ANO3: variants seen among roughly 807,000 people sequenced by gnomAD.
The protein encoded by ANO3 is anoctamin-3.
In ANO3, 99 loss-of-function variants were observed where a neutral mutation model predicts 144.8. The observed-to-expected ratio is 0.68, with a 90% confidence interval of 0.58 to 0.81. The LOEUF (loss-of-function observed/expected upper bound fraction) is 0.81, where lower values mean the gene tolerates loss of function less well. ANO3 is among the 30% of genes least tolerant of loss of function. The pLI, the probability that ANO3 is intolerant of heterozygous loss-of-function variation, is 0.00. For synonymous variants in ANO3, 414 were observed against 392.6 expected (o/e 1.05, Z -0.64); for missense variants, 905 against 1,202.2 (o/e 0.75, Z 3.66).
chr11:26,509,138 T>A (rs550699118), intron 5 of ANO3, among the ~76,000 whole-genome samples: 1 of 151,648 alleles, frequency 6.6e-6, no homozygotes, highest in South Asian at 2.1e-4. Context: ...TGCTGTTCAC[T>A]CTTGTCATTT....
At chr11:26,240,304 A>T (rs1281824288) in intron 1 of ANO3, among the ~76,000 whole-genome samples, 2 of 152,220 alleles carry the variant, frequency 1.3e-5, no homozygotes, top group African/African-American at 2.4e-5. Flanking sequence ...TAATCTCTAC[A>T]TAACCAGAAG....
At chr11:26,282,811 T>C (rs1035610024) in intron 1 of ANO3, among the ~76,000 whole-genome samples, 3 of 152,124 alleles carry the variant, frequency 2.0e-5, no homozygotes, top group African/African-American at 7.2e-5. Context: ...AAAGTATAAA[T>C]AGAAAATTAG....
At chr11:26,626,661 T>A (rs1365566933) in intron 18 of ANO3, among the ~76,000 whole-genome samples, 1 of 152,214 alleles carries the variant, frequency 6.6e-6, no homozygotes, top group Non-Finnish European at 1.5e-5. Flanking sequence ...GCTGCCATAA[T>A]CTGAAAACTC....
chr11:26,599,484 C>T lies in ANO3; in HGVS notation c.1672-66C>T, dbSNP rs921220475. On this transcript the variant is annotated intron_variant, in intron 16 of 26. Coordinates refer to ENST00000256737, the MANE Select transcript of ANO3 (RefSeq NM_031418.4). ...TCTTGGGGACAGTAGATTTGATCTA[C>T]GGTTTTGCTTTTGACTTGTTAATGA... is the stretch of plus-strand genomic sequence containing the variant. 116 of 1,491,582 alleles carry T rather than the reference C, an allele frequency of 7.8e-5. 1 individual carries two copies. Among genetic ancestry groups the T allele is most frequent in the Middle Eastern group, 7.0e-4 (4 of 5,690 alleles). The allele number at this position is 1,491,582 out of a possible 1,614,324, so 92.4% of individuals were successfully genotyped here. A position where few individuals can be genotyped will look rare whatever the true frequency, so the allele number is the denominator to read the frequency against.
chr11:26,447,206 CAAAAA>C (rs11464160), intron 3 of ANO3, among the ~76,000 whole-genome samples: 19 of 49,852 alleles, frequency 3.8e-4, no homozygotes, highest in Non-Finnish European at 4.8e-4. Flanking sequence ...GACTCTGCCT[CAAAAA>C]AAAAAAAAAA....
chr11:26,233,456 G>A (rs1365362285), intron 1 of ANO3, among the ~76,000 whole-genome samples: 2 of 152,156 alleles, frequency 1.3e-5, no homozygotes, highest in African/African-American at 4.8e-5. Flanking sequence ...ATGCTGGAAA[G>A]GATGTGGAGA....
At chr11:26,483,781 G>A (rs964932204) in intron 4 of ANO3, among the ~76,000 whole-genome samples, 1 of 152,256 alleles carries the variant, frequency 6.6e-6, no homozygotes, top group South Asian at 2.1e-4. Context: ...TGGGGTTAAT[G>A]GGCAGAGGTT....
upstream of ANO3, among the ~76,000 whole-genome samples, chr11:26,328,354 C>T (rs77439793): frequency 0.021 from 3,125 of 152,224 alleles, 102 homozygotes; most frequent in African/African-American, 0.072. Context: ...CTTTAATATA[C>T]GGAGAGAAAC....
intron 14 of ANO3, among the ~76,000 whole-genome samples, chr11:26,564,481 A>T (rs1366915797): frequency 1.3e-5 from 2 of 151,032 alleles, no homozygotes; most frequent in Non-Finnish European, 3.0e-5. Flanking sequence ...AAAACAAAAC[A>T]AGAATGAATT....
upstream of ANO3, among the ~76,000 whole-genome samples, chr11:26,327,716 T>C (rs560675707): frequency 6.6e-6 from 1 of 152,314 alleles, no homozygotes; most frequent in East Asian, 1.9e-4. Flanking sequence ...TGAAGTATGA[T>C]TGATATACAA....
At chr11:26,201,669 T>C (rs1851694940) in intron 1 of ANO3, among the ~76,000 whole-genome samples, 1 of 151,844 alleles carries the variant, frequency 6.6e-6, no homozygotes, top group Admixed American at 6.6e-5. Context: ...TTCAAGAATA[T>C]AGAAACCCTG....
intron 1 of ANO3, among the ~76,000 whole-genome samples, chr11:26,377,938 G>C (rs543936658): frequency 6.6e-6 from 1 of 152,170 alleles, no homozygotes; most frequent in Non-Finnish European, 1.5e-5. Flanking sequence ...CATCTTTAAT[G>C]TGAAAGGAAG....
chr11:26,547,684 T>A, intron 12 of ANO3, 134 bp downstream of exon 12: 1 of 897,454 alleles, frequency 1.1e-6, no homozygotes, highest in Non-Finnish European at 1.6e-6. Flanking sequence ...TTTCTGTTTT[T>A]TGGCTTTTGT....
chr11:26,544,273 T>TACACACACACAC (rs1554967702), intron 11 of ANO3, among the ~76,000 whole-genome samples: 32 of 58,566 alleles, frequency 5.5e-4, no homozygotes, highest in East Asian at 1.2e-3. Flanking sequence ...TATATATATA[T>TACACACACACAC]ACACACATAC....
intron 1 of ANO3, among the ~76,000 whole-genome samples, chr11:26,219,658 A>G (rs191922614): frequency 3.3e-5 from 5 of 152,322 alleles, no homozygotes; most frequent in Admixed American, 3.3e-4. Flanking sequence ...TGATAACCAC[A>G]AACGTTCATA....
chr11:26,400,152 G>C lies in ANO3; in HGVS notation c.47-41766G>C, dbSNP rs141451572. Among the ~76,000 whole-genome samples the C allele has an allele frequency of 4.4e-3, 668 of 152,034 alleles. 5 individuals carry two copies. The highest frequency in any genetic ancestry group is 0.016 in the African/African-American group (651 of 41,486). ...TGTTTTGTTTTGCCTTCGTGCTGTTGATCTGGAGCATTAACCAAAACCATG... is the reference window on the plus strand; with the variant it reads ...TGTTTTGTTTTGCCTTCGTGCTGTTCATCTGGAGCATTAACCAAAACCATG... On this transcript the variant is annotated intron_variant, in intron 1 of 26. Transcript: ENST00000256737.
chr11:26,468,267 C>T (rs959365920), intron 4 of ANO3, among the ~76,000 whole-genome samples: 3 of 152,058 alleles, frequency 2.0e-5, no homozygotes, highest in Non-Finnish European at 4.4e-5. Flanking sequence ...GGATATTTCA[C>T]GGGTCCACCA....
At chr11:26,190,982 T>C (rs1309690871) in intron 1 of ANO3, among the ~76,000 whole-genome samples, 3 of 152,234 alleles carry the variant, frequency 2.0e-5, no homozygotes, top group Admixed American at 2.0e-4. Flanking sequence ...GGTTAATATC[T>C]ATCTTCTCTA....
chr11:26,331,599 T>C (rs1185373255), upstream of ANO3: 1 of 152,184 alleles, frequency 6.6e-6, no homozygotes, highest in Non-Finnish European at 1.5e-5. Context: ...AGGTTATAAA[T>C]GGTCCTCAGT....
Sources: allele counts gnomAD v4.1 joint callset (sites outside exome capture counted in the v4.1 genomes callset), GRCh38; gene constraint gnomAD v4.1.1; transcripts MANE v1.5; gene names NCBI Gene and HGNC (gene_info 2026-07-23, HGNC 2026-07-21).